Variants in ATM observed in about 807,000 individuals in gnomAD.
The protein encoded by ATM is serine-protein kinase ATM.
In ATM, 308 loss-of-function variants were observed where a neutral mutation model predicts 387.0. The ratio of observed to expected loss-of-function variants is 0.80; its 90% confidence interval spans 0.73 to 0.87. ATM has a LOEUF of 0.87. Among genes scored for constraint, ATM ranks in the 40% least tolerant of loss-of-function variants. ATM has a pLI of 0.00. For synonymous variants in ATM, 1,156 were observed against 1,187.3 expected (o/e 0.97, Z 0.54); for missense variants, 3,312 against 3,560.9 (o/e 0.93, Z 1.78).
At chr11:108,226,174 T>A (rs1019022982) in intron 1 of ATM, 5 of 152,062 alleles carry the variant, frequency 3.3e-5, no homozygotes, top group Admixed American at 1.3e-4. Context: ...GTTCTGTGGG[T>A]AGATGTGCGG....
chr11:108,228,351 A>C (rs1406081780), intron 3 of ATM, among the ~76,000 whole-genome samples: 1 of 152,206 alleles, frequency 6.6e-6, no homozygotes, highest in Non-Finnish European at 1.5e-5. Context: ...CAATGAAAAA[A>C]CACAACTGAT....
intron 24 of ATM, among the ~76,000 whole-genome samples, 169 bp from the exon 25 acceptor site, chr11:108,282,541 T>G (rs147285388): frequency 6.6e-6 from 1 of 152,338 alleles, no homozygotes; most frequent in East Asian, 1.9e-4. Flanking sequence ...TCAGATACTG[T>G]GCCAGTTGAG....
At chr11:108,354,613 A>G (rs1297606565) in intron 60 of ATM, among the ~76,000 whole-genome samples, 198 bp from the exon 61 acceptor site, 1 of 152,256 alleles carries the variant, frequency 6.6e-6, no homozygotes, top group Non-Finnish European at 1.5e-5. Context: ...AGCTTGTGAA[A>G]TAGTCAAATA....
At chr11:108,326,409 A>C (rs1049879533) in intron 47 of ATM, among the ~76,000 whole-genome samples, 184 bp downstream of exon 47, 50 of 152,226 alleles carry the variant, frequency 3.3e-4, no homozygotes, top group African/African-American at 1.2e-3. Context: ...TTTCCTATAT[A>C]TCACAATTCT....
At chr11:108,235,075 T>C (rs2079198936) in intron 4 of ATM, among the ~76,000 whole-genome samples, 1 of 152,102 alleles carries the variant, frequency 6.6e-6, no homozygotes, top group Non-Finnish European at 1.5e-5. Context: ...GATGAGCAGA[T>C]CACTTGAGGT....
rs2079712629 is a variant in ATM at position 108,244,136 on chromosome 11, T to C, written c.662+18T>C. 1.2e-6 allele frequency: 2 copies of C among 1,613,392 alleles called. No homozygotes were observed. The highest frequency in any genetic ancestry group is 1.7e-6 in the Non-Finnish European group (2 of 1,179,620). Reference sequence around the variant, plus strand: ...TGTGCGAGGTAATCTAATCTCTTTTTCTTTTGTTTTGTATTGAAATACTTT... The same window carrying C: ...TGTGCGAGGTAATCTAATCTCTTTTCCTTTTGTTTTGTATTGAAATACTTT... On this transcript the variant is annotated intron_variant, in intron 6 of 62. Transcript: ENST00000675843.
chr11:108,316,196 C>T, intron 42 of ATM, 83 bp downstream of exon 42: 1 of 1,235,954 alleles, frequency 8.1e-7, no homozygotes, highest in Non-Finnish European at 1.2e-6. Context: ...ATTTACACAG[C>T]CAGATAAACT....
intron 55 of ATM, 178 bp downstream of exon 55, chr11:108,335,287 G>GTGTCTCTGAAAGACAA: frequency 6.6e-7 from 1 of 1,512,894 alleles, no homozygotes; most frequent in Non-Finnish European, 8.8e-7. Context: ...CATTTTTTTT[G>GTGTCTCTGAAAGACAA]TGTCTCTGAA....
At chr11:108,284,205 T>A in intron 25 of ATM, 22 bp from the exon 26 acceptor site, 1 of 1,553,404 alleles carries the variant, frequency 6.4e-7, no homozygotes, top group South Asian at 1.2e-5. Flanking sequence ...ATAACCTGTA[T>A]TTTAAATTTT....
chr11:108,281,116 C>A lies in ATM; in HGVS notation c.3524C>A (p.Ala1175Asp), dbSNP rs2135669077. ...ATCTGCGAAAAACAGGCTTTGTTTG[C>A]CCTGTGTAAATCTGTGAAAGAGAAT... The part of the protein sequence containing the change: ...SPICEKQALF[A>D]LCKSVKENGL... Residue 1175 changes from alanine (A) to aspartate (D), a missense_variant, in exon 24 of 63, where the codon GCC (alanine) becomes GAC (aspartate). Coordinates refer to ENST00000675843, the MANE Select transcript of ATM (RefSeq NM_000051.4). 1.2e-6 allele frequency: 2 copies of A among 1,613,820 alleles called. No individual in the cohort carries two copies. Among genetic ancestry groups the A allele is most frequent in the Non-Finnish European group, 1.7e-6 (2 of 1,179,922 alleles).
chr11:108,262,666 C>G (rs1257189610), intron 16 of ATM, among the ~76,000 whole-genome samples: 2 of 151,620 alleles, frequency 1.3e-5, no homozygotes, highest in African/African-American at 2.4e-5. Flanking sequence ...ACTAAATGCT[C>G]CAATTAAAAG....
At chr11:108,240,933 C>G (rs961194495) in intron 5 of ATM, among the ~76,000 whole-genome samples, 28 of 152,126 alleles carry the variant, frequency 1.8e-4, no homozygotes, top group Non-Finnish European at 3.5e-4. Flanking sequence ...TTTGTAATAA[C>G]ACTTAGCTTA....
chr11:108,260,665 G>T (rs1319382408), intron 16 of ATM, among the ~76,000 whole-genome samples: 1 of 152,160 alleles, frequency 6.6e-6, no homozygotes, highest in African/African-American at 2.4e-5. Context: ...AACAGCTCCG[G>T]TCTACAGCTC....
Position 108,247,087 on chromosome 11 carries a change from A to C in ATM, c.1025A>C (p.Lys342Thr), listed in dbSNP as rs1064794119. The C allele has an allele frequency of 6.2e-7, 1 of 1,613,824 alleles. No individual in the cohort carries two copies. The highest frequency in any genetic ancestry group is 1.7e-5 in the Admixed American group (1 of 59,998). The stretch of plus-strand genomic sequence containing the variant: ...TCAGGATTTCGTAATATTGCCGTCA[A>C]AGAAAATTTGATTGAATTGATGGCA... ...YSSGFRNIAV[K>T]ENLIELMADI... The change falls in exon 8 of 63, where the codon AAA becomes ACA. Residue 342 changes from lysine (K) to threonine (T), a missense_variant. Lys to Thr is a moderately conservative substitution (Grantham distance 78). Transcript: ENST00000675843.
chr11:108,262,644 A>G (rs2080970231), intron 16 of ATM, among the ~76,000 whole-genome samples: 2 of 152,154 alleles, frequency 1.3e-5, no homozygotes, highest in Admixed American at 1.3e-4. Flanking sequence ...TGTTAACTTT[A>G]AATGTAAATG....
At chr11:108,339,075 CTT>C (rs1235359755) in intron 56 of ATM, among the ~76,000 whole-genome samples, 1 of 152,160 alleles carries the variant, frequency 6.6e-6, no homozygotes, top group Non-Finnish European at 1.5e-5. Context: ...CCAGATATCT[CTT>C]GTCAGAGAGA....
intron 5 of ATM, among the ~76,000 whole-genome samples, chr11:108,237,353 A>G (rs1302421961): frequency 6.6e-6 from 1 of 151,978 alleles, no homozygotes; most frequent in Non-Finnish European, 1.5e-5. Flanking sequence ...ATCACTTACA[A>G]CCATGGCTGT....
At chr11:108,332,687 C>G (rs2136553839) in intron 52 of ATM, 75 bp from the exon 53 acceptor site, 2 of 1,496,066 alleles carry the variant, frequency 1.3e-6, no homozygotes, top group Non-Finnish European at 1.8e-6. Flanking sequence ...CTGTTTTTCT[C>G]TTTGTTTTTC....
intron 5 of ATM, among the ~76,000 whole-genome samples, chr11:108,239,019 A>G (rs1461131419): frequency 6.6e-6 from 1 of 152,076 alleles, no homozygotes; most frequent in East Asian, 1.9e-4. Context: ...GAATTTGGCT[A>G]TTTGGGGTAC....
Sources: gnomAD v4.1 joint callset for allele counts (sites outside exome capture counted in the v4.1 genomes callset) on GRCh38, gnomAD v4.1.1 for gene constraint, MANE v1.5 for transcripts, NCBI Gene and HGNC (gene_info 2026-07-23, HGNC 2026-07-21) for gene names.